Variants in COL7A1 observed in about 807,000 individuals in gnomAD.
COL7A1 encodes the protein collagen alpha-1(VII) chain.
COL7A1 carries 296 observed loss-of-function variants against 456.2 expected under a neutral mutation model. The ratio of observed to expected loss-of-function variants is 0.65; its 90% CI spans 0.59 to 0.71. COL7A1 has a LOEUF of 0.71. Among genes scored for constraint, COL7A1 ranks in the 30% least tolerant of loss-of-function variants. The pLI is 0.00. For synonymous variants in COL7A1, 1,464 were observed against 1,525.9 expected (o/e 0.96, Z 0.95); for missense variants, 3,441 against 4,017.2 (o/e 0.86, Z 3.88).
chr3:48,586,010 T>G lies in COL7A1; in HGVS notation c.3724-35A>C. The G allele has an allele frequency of 1.2e-6, 2 of 1,613,702 alleles. No homozygotes were observed. The highest frequency in any genetic ancestry group is 1.7e-6 in the Non-Finnish European group (2 of 1,180,022). ...TAGGGTCTCTTTGAGGTTGAACATTTCTACCAAGAACCCCCAGACCCCTTA... is the reference window on the plus strand; with the variant it reads ...TAGGGTCTCTTTGAGGTTGAACATTGCTACCAAGAACCCCCAGACCCCTTA... On this transcript the variant is annotated intron_variant, in intron 28 of 118. Transcript: ENST00000681320. The surrounding 1 kb of genome is among the most constrained non-coding windows in gnomAD (Gnocchi z 5.1).
rs143994451 is a variant in COL7A1, at chr3:48,588,578, A to C, written c.2587+64T>G. 6.2e-7 allele frequency: 1 copy of C among 1,612,792 alleles called. No homozygotes were observed. Among genetic ancestry groups the C allele is most frequent in the East Asian group, 2.2e-5 (1 of 44,890 alleles). ...TGGTCCTTTCTCCAATCCAGAGCAC[A>C]AGCCCGGATCCCCAAACCATCCACA... On this transcript the variant is annotated intron_variant, in intron 20 of 118. Coordinates refer to ENST00000681320, the MANE Select transcript of COL7A1 (RefSeq NM_000094.4). The surrounding 1 kb of genome is among the most constrained non-coding windows in gnomAD (Gnocchi z 4.6).
rs202126339 is a variant in COL7A1 at position 48,588,677 on chromosome 3, C to T, written c.2552G>A (p.Arg851His). 4.3e-6 allele frequency: 7 copies of T among 1,613,732 alleles called. No homozygotes were observed. Among genetic ancestry groups the T allele is most frequent in the South Asian group, 2.2e-5 (2 of 91,096 alleles). Reference protein sequence around the residue: ...SVRVTALVGDREGTPVSIVVT... With the variant: ...SVRVTALVGDHEGTPVSIVVT... ...AACAATGGAGACAGGTGTGCCCTCGCGGTCCCCGACAAGTGCAGTCACTCG... is the reference window on the plus strand; with the variant it reads ...AACAATGGAGACAGGTGTGCCCTCGTGGTCCCCGACAAGTGCAGTCACTCG... Residue 851 changes from arginine to histidine, a missense_variant, in exon 20 of 119, where the codon CGC becomes CAC. Arg to His is a conservative substitution (Grantham distance 29, BLOSUM62 0). Around this residue, in one of 3 missense-constraint regions of COL7A1, gnomAD observed 444 missense variants for 427.6 expected, o/e 1.04. Transcript: ENST00000681320. The surrounding 1 kb of genome is among the most constrained non-coding windows in gnomAD (Gnocchi z 4.6).
rs2045685563 is a variant in COL7A1, at chr3:48,591,396, G to A, written c.1636+68C>T. 1 of 1,595,502 alleles carries A rather than the reference G, an allele frequency of 6.3e-7. No homozygotes were observed. Among genetic ancestry groups the A allele is most frequent in the Non-Finnish European group, 8.6e-7 (1 of 1,168,610 alleles). ...CAGGTGTGGAAGGAGAGGGCTGGAG[G>A]TACACTCAGACCCCTCAGGCTGGAA... On this transcript the variant is annotated intron_variant, in intron 13 of 118. Transcript: ENST00000681320. This position sits in a 1 kb window ranked among gnomAD's most constrained non-coding sequence, Gnocchi z 7.0.
rs182669506 is a variant in COL7A1 at position 48,575,675 on chromosome 3, C to A, written c.5930G>T (p.Arg1977Leu). ...GCCTGAGTCCCCCTTGGGGCCTCGA[C>A]GCCGTTCGGGCACAGGCAGGAAGCT... ...SGSFLPVPER[R>L]RGPKGDSGEQ... is the part of the protein sequence containing the mutation. The change falls in exon 73 of 119, where the codon CGT becomes CTT. Residue 1977 changes from arginine (R) to leucine (L), a missense_variant. Transcript: ENST00000681320. This position sits in a 1 kb window ranked among gnomAD's most constrained non-coding sequence, Gnocchi z 6.3. 6.1e-4 allele frequency: 989 copies of A among 1,613,630 alleles called. 1 individual carries two copies. The highest frequency in any genetic ancestry group is 1.2e-3 in the Admixed American group (73 of 60,028).
Position 48,591,829 on chromosome 3 carries a change from G to A in COL7A1, c.1358-7C>T. ...TTCTGCGGTGGCTCCAAGCCTGCAA[G>A]ATAACAGGGTCAGACCAGCAGAGGC... is the stretch of plus-strand genomic sequence containing the variant. On this transcript the variant is annotated splice_polypyrimidine_tract_variant and splice_region_variant and intron_variant, in intron 11 of 118. Transcript: ENST00000681320. The surrounding 1 kb of genome is among the most constrained non-coding windows in gnomAD (Gnocchi z 7.0). 1 of 1,614,178 alleles carries A rather than the reference G, an allele frequency of 6.2e-7. No homozygotes were observed. The highest frequency in any genetic ancestry group is 8.5e-7 in the Non-Finnish European group (1 of 1,180,022).
chr3:48,570,508 T>C lies in COL7A1; in HGVS notation c.7345-8A>G, dbSNP rs765883249. 1 of 1,613,914 alleles carries C rather than the reference T, an allele frequency of 6.2e-7. No homozygotes were observed. Among genetic ancestry groups the C allele is most frequent in the South Asian group, 1.1e-5 (1 of 91,072 alleles). ...AGAGGCCCCAGGTGGTCCCTGTAGG[T>C]CAGAGTGAGGTGAGGGTCCTGTGGC... is the stretch of plus-strand genomic sequence containing the variant. On this transcript the variant is annotated splice_polypyrimidine_tract_variant and splice_region_variant and intron_variant, in intron 96 of 118. Coordinates refer to ENST00000681320, the MANE Select transcript of COL7A1 (RefSeq NM_000094.4). The surrounding 1 kb of genome is among the most constrained non-coding windows in gnomAD (Gnocchi z 5.5).
chr3:48,578,999 G>C lies in COL7A1; in HGVS notation c.5389-45C>G. 1 of 1,612,976 alleles carries C rather than the reference G, an allele frequency of 6.2e-7. No individual in the cohort carries two copies. Among genetic ancestry groups the C allele is most frequent in the Non-Finnish European group, 8.5e-7 (1 of 1,179,256 alleles). ...CAGTTCATCATGGTCATGGGGTCAGGGGCTCTAGTCCCTGTGAGCCTAAGG... is the reference window on the plus strand; with the variant it reads ...CAGTTCATCATGGTCATGGGGTCAGCGGCTCTAGTCCCTGTGAGCCTAAGG... On this transcript the variant is annotated intron_variant, in intron 62 of 118. Transcript: ENST00000681320. This position sits in a 1 kb window ranked among gnomAD's most constrained non-coding sequence, Gnocchi z 4.7.
rs1463968151 is a variant in COL7A1, at chr3:48,569,319, T to G, written c.7686+56A>C. 1 of 1,601,478 alleles carries G rather than the reference T, an allele frequency of 6.2e-7. No homozygotes were observed. The highest frequency in any genetic ancestry group is 2.2e-5 in the East Asian group (1 of 44,776). On this transcript the variant is annotated intron_variant, in intron 103 of 118. Coordinates refer to ENST00000681320, the MANE Select transcript of COL7A1 (RefSeq NM_000094.4). This position sits in a 1 kb window ranked among gnomAD's most constrained non-coding sequence, Gnocchi z 4.9. Reference sequence around the variant, plus strand: ...TCCCCTCCTGCCCTCACAGATGCTGTGGAACCACCACAGCCACAGGACCCC... The same window carrying G: ...TCCCCTCCTGCCCTCACAGATGCTGGGGAACCACCACAGCCACAGGACCCC...
At position 48,581,308 on chromosome 3, in the gene COL7A1, G is replaced by T. The variant is rs1199032453; in HGVS notation, c.4851C>A (p.Asp1617Glu). The change falls in exon 52 of 119, where the codon GAC becomes GAA. Residue 1617 changes from aspartate to glutamate, a missense_variant. Asp to Glu is a conservative substitution (Grantham distance 45, BLOSUM62 2). Coordinates refer to ENST00000681320, the MANE Select transcript of COL7A1 (RefSeq NM_000094.4). The surrounding 1 kb of genome is among the most constrained non-coding windows in gnomAD (Gnocchi z 5.8). Reference sequence around the variant, plus strand: ...GTCCTGGGGGGCCAGGCCGCCCAGGGTCTCCCTTCTCTCCAGGAGGCCCTG... The same window carrying T: ...GTCCTGGGGGGCCAGGCCGCCCAGGTTCTCCCTTCTCTCCAGGAGGCCCTG... ...GDSGPPGEKG[D>E]PGRPGPPGPV... is the part of the protein sequence containing the mutation. 1.9e-6 allele frequency: 3 copies of T among 1,613,460 alleles called. No homozygotes were observed. Among genetic ancestry groups the T allele is most frequent in the Admixed American group, 1.7e-5 (1 of 59,988 alleles).
In COL7A1 at chr3:48,566,737, C is replaced by G; in HGVS notation, c.8227G>C (p.Gly2743Arg). 6.2e-7 allele frequency: 1 copy of G among 1,613,760 alleles called. No homozygotes were observed. ...RGPEGLQGQK[G>R]ERGPPGERVV... ...CTCTCTCCGGGGGGACCTCGCTCAC[C>G]CTGTCAGACACAGGGACCAAGTGAG... Residue 2743 changes from glycine to arginine, a missense_variant and splice_region_variant, in exon 112 of 119, where the codon GGT becomes CGT. By Grantham distance (125) the Gly-to-Arg change is moderately radical. This residue lies in a region of COL7A1 where 2,084 missense variants were observed against 2,501.3 expected (regional missense o/e 0.83). Coordinates refer to ENST00000681320, the MANE Select transcript of COL7A1 (RefSeq NM_000094.4). This position sits in a 1 kb window ranked among gnomAD's most constrained non-coding sequence, Gnocchi z 5.9.
chr3:48,568,527 G>A lies in COL7A1; in HGVS notation c.7766C>T (p.Pro2589Leu), dbSNP rs756257383. ...LRGLLGPQGQ[P>L]GAAGIPGDPG... ...GTCACCAGGGATCCCTGCTGCACCA[G>A]GTTGACCCTGTGAGAAACACAGATG... Residue 2589 changes from proline to leucine, a missense_variant, in exon 105 of 119, where the codon CCT becomes CTT. Physicochemically the swap from Pro to Leu is moderately conservative, Grantham distance 98. Transcript: ENST00000681320. This position sits in a 1 kb window ranked among gnomAD's most constrained non-coding sequence, Gnocchi z 5.2. The A allele has an allele frequency of 1.2e-6, 2 of 1,607,944 alleles. No homozygotes were observed. Among genetic ancestry groups the A allele is most frequent in the Non-Finnish European group, 8.5e-7 (1 of 1,175,592 alleles).
Position 48,588,461 on chromosome 3 carries a change from C to T in COL7A1, c.2588-57G>A. 6.3e-7 allele frequency: 1 copy of T among 1,596,996 alleles called. No homozygotes were observed. Among genetic ancestry groups the T allele is most frequent in the Non-Finnish European group, 8.5e-7 (1 of 1,176,876 alleles). On this transcript the variant is annotated intron_variant, in intron 20 of 118. Transcript: ENST00000681320. The surrounding 1 kb of genome is among the most constrained non-coding windows in gnomAD (Gnocchi z 4.6). ...CTGCCCCCATGGCCCCTGCACCAAT[C>T]CCAGGCCCACCCTGGCACACGCACC...
chr3:48,584,034 C>T lies in COL7A1; in HGVS notation c.4224+1G>A, dbSNP rs769954836. On this transcript the variant is annotated splice_donor_variant, in intron 38 of 118. Transcript: ENST00000681320. LOFTEE classifies it high-confidence loss of function. ...CCTAGCACAACCTGTCCCTCACTTACCCGCTCCCCACGATCGCCTTTGTCA... is the reference window on the plus strand; with the variant it reads ...CCTAGCACAACCTGTCCCTCACTTATCCGCTCCCCACGATCGCCTTTGTCA... The T allele has an allele frequency of 6.2e-7, 1 of 1,614,126 alleles. No homozygotes were observed. Among genetic ancestry groups the T allele is most frequent in the Non-Finnish European group, 8.5e-7 (1 of 1,180,022 alleles).
At position 48,593,228 on chromosome 3, in the gene COL7A1, C is replaced by A. The variant is rs2045838430; in HGVS notation, c.556G>T (p.Val186Phe). The A allele has an allele frequency of 3.1e-6, 5 of 1,614,028 alleles. No individual in the cohort carries two copies. The highest frequency in any genetic ancestry group is 1.3e-5 in the African/African-American group (1 of 74,898). Residue 186 changes from valine to phenylalanine, a missense_variant, in exon 6 of 119, where the codon GTT (valine) becomes TTT (phenylalanine). Val to Phe is a conservative substitution (Grantham distance 50). Around this residue, in one of 3 missense-constraint regions of COL7A1, gnomAD observed 913 missense variants for 1,088.2 expected, o/e 0.84. Coordinates refer to ENST00000681320, the MANE Select transcript of COL7A1 (RefSeq NM_000094.4). This position sits in a 1 kb window ranked among gnomAD's most constrained non-coding sequence, Gnocchi z 4.4. The stretch of plus-strand genomic sequence containing the variant: ...AAGTCACTGGTGGGCTGTGAGGCAA[C>A]TCGCTTCAGCTCCTCAGGGTCAGCA... ...KNADPEELKRVASQPTSDFFF... is the reference protein window; with the variant it reads ...KNADPEELKRFASQPTSDFFF...
chr3:48,564,240 A>G lies in COL7A1; in HGVS notation c.*166T>C. 1 of 826,864 alleles carries G rather than the reference A, an allele frequency of 1.2e-6. No homozygotes were observed. Among genetic ancestry groups the G allele is most frequent in the Non-Finnish European group, 2.0e-6 (1 of 499,152 alleles). The allele number at this position is 826,864 out of a possible 1,614,324, so 51.2% of individuals were successfully genotyped here. ...CAGGAGCCACAATGGGGGTTTGTCC[A>G]CAGGGGGGAAGGCTAGACCCACGGG... On this transcript the variant is annotated 3_prime_UTR_variant, in exon 119 of 119. Coordinates refer to ENST00000681320, the MANE Select transcript of COL7A1 (RefSeq NM_000094.4). This position sits in a 1 kb window ranked among gnomAD's most constrained non-coding sequence, Gnocchi z 6.0.
In COL7A1 at chr3:48,570,270, CGTACCCGG is replaced by C. The variant is rs750153731; in HGVS notation, c.7437_7440+4del. The C allele has an allele frequency of 6.2e-6, 10 of 1,614,080 alleles. No individual in the cohort carries two copies. The highest frequency in any genetic ancestry group is 7.6e-6 in the Non-Finnish European group (9 of 1,179,984). On this transcript the variant is annotated splice_donor_variant and splice_donor_region_variant and coding_sequence_variant and intron_variant, in exon 98 of 119. Transcript: ENST00000681320. LOFTEE classifies it high-confidence loss of function. The surrounding 1 kb of genome is among the most constrained non-coding windows in gnomAD (Gnocchi z 5.5). ...GAGTTCGGCTGTGGAGTAAGACATACGTACCCGGATGCCTGGCTCCCCACGCTCGCCTC... is the reference window on the plus strand; with the variant it reads ...GAGTTCGGCTGTGGAGTAAGACATACATGCCTGGCTCCCCACGCTCGCCTC...
In COL7A1 at chr3:48,581,500, G is replaced by T. The variant is rs377175489; in HGVS notation, c.4783-17C>A. ...AATGGGACCCTGAAGGGGACAGAAGGGGGGCAGGACTTAGTCAGGGTCCCA... is the reference window on the plus strand; with the variant it reads ...AATGGGACCCTGAAGGGGACAGAAGTGGGGCAGGACTTAGTCAGGGTCCCA... On this transcript the variant is annotated splice_polypyrimidine_tract_variant and intron_variant, in intron 50 of 118. Coordinates refer to ENST00000681320, the MANE Select transcript of COL7A1 (RefSeq NM_000094.4). This position sits in a 1 kb window ranked among gnomAD's most constrained non-coding sequence, Gnocchi z 5.8. 2.9e-5 allele frequency: 47 copies of T among 1,614,026 alleles called. No homozygotes were observed. Among genetic ancestry groups the T allele is most frequent in the Non-Finnish European group, 3.7e-5 (44 of 1,180,014 alleles).
In COL7A1 at chr3:48,588,701, C is replaced by G. The variant is rs747058637; in HGVS notation, c.2528G>C (p.Arg843Pro). The G allele has an allele frequency of 1.2e-6, 2 of 1,613,900 alleles. No homozygotes were observed. The highest frequency in any genetic ancestry group is 1.7e-6 in the Non-Finnish European group (2 of 1,180,042). The change falls in exon 20 of 119, where the codon CGA becomes CCA. Residue 843 changes from arginine to proline, a missense_variant. By Grantham distance (103) the Arg-to-Pro change is moderately radical. Transcript: ENST00000681320. The surrounding 1 kb of genome is among the most constrained non-coding windows in gnomAD (Gnocchi z 4.6). ...GCGGTCCCCGACAAGTGCAGTCACTCGCACTGAGTAGCTGACTCCACCTTC... is the reference window on the plus strand; with the variant it reads ...GCGGTCCCCGACAAGTGCAGTCACTGGCACTGAGTAGCTGACTCCACCTTC... ...GLEGGVSYSV[R>P]VTALVGDREG...
chr3:48,572,324 G>A lies in COL7A1; in HGVS notation c.6978+56C>T. 6.2e-7 allele frequency: 1 copy of A among 1,613,800 alleles called. No homozygotes were observed. The highest frequency in any genetic ancestry group is 8.5e-7 in the Non-Finnish European group (1 of 1,179,742). On this transcript the variant is annotated intron_variant, in intron 90 of 118. Transcript: ENST00000681320. This position sits in a 1 kb window ranked among gnomAD's most constrained non-coding sequence, Gnocchi z 4.6. ...ACTATGGGTCGAAGGTCAGAAGTTA[G>A]GCCACTGGAGAGACAGGACCCCCAG...
Sources: allele counts gnomAD v4.1 joint callset, GRCh38; gene constraint gnomAD v4.1.1; regional missense constraint gnomAD v4.1.1; non-coding constraint Gnocchi (gnomAD v3.1); transcripts MANE v1.5; gene names NCBI Gene and HGNC (gene_info 2026-07-23, HGNC 2026-07-21).